Variants in RMI1 observed in about 807,000 individuals in gnomAD.
RMI1 encodes RecQ mediated genome instability 1.
Under a neutral mutation model 46.7 loss-of-function variants are expected in RMI1, and 36 were observed. The observed-to-expected ratio is 0.77, with a 90% confidence interval of 0.59 to 1.02. The LOEUF (loss-of-function observed/expected upper bound fraction) is 1.02. Ranked by LOEUF, RMI1 falls within the 50% of genes least tolerant of loss-of-function variation. The pLI is 0.00. For synonymous variants in RMI1, 250 were observed against 252.9 expected (o/e 0.99, Z 0.11); for missense variants, 676 against 713.7 (o/e 0.95, Z 0.60).
intron 1 of RMI1, among the ~76,000 whole-genome samples, chr9:83,994,379 A>G (rs1041945654): frequency 2.0e-5 from 3 of 152,154 alleles, no homozygotes; most frequent in African/African-American, 2.4e-5. Flanking sequence ...GCCCATTTCA[A>G]TGTCATGAAG....
rs200040967 is a variant in RMI1, at chr9:84,001,296, C to G, written c.310C>G (p.Gln104Glu). Residue 104 changes from glutamine (Q) to glutamate (E), a missense_variant, in exon 3 of 3, where the codon CAG becomes GAG. Coordinates refer to ENST00000445877, the MANE Select transcript of RMI1 (RefSeq NM_001358291.2). ...AAGTCAGCCTGCATACTCCCAGATA[C>G]AGAAGTTGAGAGGAAAGAATACAAC... Reference protein sequence around the residue: ...DVSQPAYSQIQKLRGKNTTND... With the variant: ...DVSQPAYSQIEKLRGKNTTND... 3 of 1,613,992 alleles carry G rather than the reference C, an allele frequency of 1.9e-6. No individual in the cohort carries two copies. Among genetic ancestry groups the G allele is most frequent in the Non-Finnish European group, 2.5e-6 (3 of 1,179,994 alleles).
At chr9:83,989,939 C>G (rs1031333258) in intron 1 of RMI1, among the ~76,000 whole-genome samples, 3 of 152,152 alleles carry the variant, frequency 2.0e-5, no homozygotes, top group Non-Finnish European at 2.9e-5. Flanking sequence ...TACGGAAAAA[C>G]CTGAATCCAT....
chr9:83,995,959 T>C (rs1030604639), intron 1 of RMI1, among the ~76,000 whole-genome samples: 1 of 152,166 alleles, frequency 6.6e-6, no homozygotes, highest in Admixed American at 6.5e-5. Flanking sequence ...TTTAGTATGC[T>C]CAAAGAGATA....
At chr9:83,996,575 C>T (rs1226436179) in intron 1 of RMI1, among the ~76,000 whole-genome samples, 1 of 152,088 alleles carries the variant, frequency 6.6e-6, no homozygotes, top group Admixed American at 6.6e-5. Flanking sequence ...TCTTGTATAT[C>T]CATCTAGAGG....
At chr9:83,989,667 C>CAAAAAAAAAAAAAA in intron 1 of RMI1, among the ~76,000 whole-genome samples, 1 of 141,988 alleles carries the variant, frequency 7.0e-6, no homozygotes, top group Non-Finnish European at 1.5e-5. Flanking sequence ...ATCAAAAAGA[C>CAAAAAAAAAAAAAA]AAAAAAAAAA....
Position 84,003,051 on chromosome 9 carries a change from T to A in RMI1, c.*187T>A. 1 of 433,078 alleles carries A rather than the reference T, an allele frequency of 2.3e-6. No homozygotes were observed. The allele number at this position is 433,078 out of a possible 1,614,324, so 26.8% of individuals were successfully genotyped here. A position where few individuals can be genotyped will look rare whatever the true frequency, so the allele number is the denominator to read the frequency against. ...GCTTTTGAAAATAAGTTAATCTTTT[T>A]TTTTTTTTTTTTAATGTCAGGGTAT... On this transcript the variant is annotated 3_prime_UTR_variant, in exon 3 of 3. Transcript: ENST00000445877.
chr9:83,997,041 C>T lies in RMI1; in HGVS notation c.-125-2668C>T, dbSNP rs1024653260. ...GGTTTTAAAGATAGAGGTGGATTCC[C>T]CCCCCCTTTTTTTTTTGGCAGGGCT... On this transcript the variant is annotated intron_variant, in intron 1 of 2. Coordinates refer to ENST00000445877, the MANE Select transcript of RMI1 (RefSeq NM_001358291.2). 3.3e-5 allele frequency among the ~76,000 whole-genome samples: 5 copies of T among 149,868 alleles called. No homozygotes were observed. In the East Asian group the frequency reaches 9.8e-4, roughly 29 times the overall value.
At position 84,003,880 on chromosome 9, in the gene RMI1, C is replaced by G. The variant is rs538190186; in HGVS notation, c.*1016C>G. Reference sequence around the variant, plus strand: ...TGTCATTGTTCCCTTTCTGAATTAGCTGTACATATAAGCCTTCCTTTGGTT... The same window carrying G: ...TGTCATTGTTCCCTTTCTGAATTAGGTGTACATATAAGCCTTCCTTTGGTT... On this transcript the variant is annotated 3_prime_UTR_variant, in exon 3 of 3. Coordinates refer to ENST00000445877, the MANE Select transcript of RMI1 (RefSeq NM_001358291.2). 1 of 166,924 alleles carries G rather than the reference C, an allele frequency of 6.0e-6. No homozygotes were observed. Among genetic ancestry groups the G allele is most frequent in the East Asian group, 1.9e-4 (1 of 5,190 alleles). The allele number at this position is 166,924 out of a possible 1,614,324, so 10.3% of individuals were successfully genotyped here. A position where few individuals can be genotyped will look rare whatever the true frequency, so the allele number is the denominator to read the frequency against.
At chr9:83,997,147 T>A (rs1441498171) in intron 1 of RMI1, among the ~76,000 whole-genome samples, 1 of 144,724 alleles carries the variant, frequency 6.9e-6, no homozygotes, top group Non-Finnish European at 1.5e-5. Context: ...GTTTCGCTCT[T>A]GTTGCCCAGG....
chr9:83,999,677 T>C (rs990556009), intron 1 of RMI1, 32 bp from the exon 2 acceptor site: 25 of 152,232 alleles, frequency 1.6e-4, no homozygotes, highest in African/African-American at 5.8e-4. Context: ...CTTCATCTTA[T>C]AACTCTTACT....
chr9:83,996,164 C>A (rs188925513), intron 1 of RMI1, among the ~76,000 whole-genome samples: 1 of 152,204 alleles, frequency 6.6e-6, no homozygotes, highest in Non-Finnish European at 1.5e-5. Context: ...GTCCCTCTGG[C>A]TGACATAGCT....
chr9:84,002,325 G>T lies in RMI1; in HGVS notation c.1339G>T (p.Val447Leu). 4 of 1,600,108 alleles carry T rather than the reference G, an allele frequency of 2.5e-6. No homozygotes were observed. Among genetic ancestry groups the T allele is most frequent in the Non-Finnish European group, 3.4e-6 (4 of 1,169,068 alleles). The change falls in exon 3 of 3, where the codon GTG becomes TTG. Residue 447 changes from valine (V) to leucine (L), a missense_variant. By Grantham distance (32) the Val-to-Leu change is conservative (BLOSUM62 1). Coordinates refer to ENST00000445877, the MANE Select transcript of RMI1 (RefSeq NM_001358291.2). Reference sequence around the variant, plus strand: ...AAATAATAAAATATTAAATAGAGAGGTGGTCAACTATGTACAGAAAAGGAA... The same window carrying T: ...AAATAATAAAATATTAAATAGAGAGTTGGTCAACTATGTACAGAAAAGGAA... ...SLNNKILNRE[V>L]VNYVQKRNSQ...
intron 1 of RMI1, among the ~76,000 whole-genome samples, chr9:83,997,526 G>A (rs1957675705): frequency 6.6e-6 from 1 of 152,090 alleles, no homozygotes; most frequent in Admixed American, 6.5e-5. Context: ...GCGGGTCAGA[G>A]AGGAGTGAGG....
intron 1 of RMI1, among the ~76,000 whole-genome samples, chr9:83,995,651 C>T (rs1280927095): frequency 6.7e-6 from 1 of 149,834 alleles, no homozygotes; most frequent in African/African-American, 2.4e-5. Context: ...TGTTCTTGAA[C>T]TCCTGACCTC....
chr9:83,993,549 A>G (rs1404775174), intron 1 of RMI1, among the ~76,000 whole-genome samples: 3 of 152,062 alleles, frequency 2.0e-5, no homozygotes, highest in Non-Finnish European at 4.4e-5. Flanking sequence ...TTTTTTGAGG[A>G]CGCTCTATAC....
At chr9:83,983,410 G>A (rs1002212537) in intron 1 of RMI1, among the ~76,000 whole-genome samples, 4 of 151,930 alleles carry the variant, frequency 2.6e-5, no homozygotes, top group African/African-American at 7.3e-5. Flanking sequence ...CCTAATTTTC[G>A]GAGTATCTTC....
chr9:83,987,458 C>T (rs1169450093), intron 1 of RMI1, among the ~76,000 whole-genome samples: 4 of 152,178 alleles, frequency 2.6e-5, no homozygotes, highest in Non-Finnish European at 5.9e-5. Context: ...TTAGTTGTTA[C>T]ATTTCTATTC....
intron 1 of RMI1, chr9:83,992,849 G>A (rs570157920): frequency 6.6e-6 from 1 of 152,010 alleles, no homozygotes; most frequent in Non-Finnish European, 1.5e-5. Flanking sequence ...GCAAATAGGG[G>A]TACTTTTATT....
rs768825015 is a variant in RMI1 at position 84,002,895 on chromosome 9, AAAC to A, written c.*37_*39del. 9.3e-5 allele frequency: 116 copies of A among 1,251,126 alleles called. No individual in the cohort carries two copies. Among genetic ancestry groups the A allele is most frequent in the South Asian group, 5.3e-4 (32 of 60,946 alleles). 77.5% of individuals were successfully genotyped at this position (1,251,126 alleles called of 1,614,324 possible). A position where few individuals can be genotyped will look rare whatever the true frequency, so the allele number is the denominator to read the frequency against. Reference sequence around the variant, plus strand: ...CTAAAATAGTATTAGGAACAATTAAAAACAACAAGGAAATATTTAGAATTTGTT... The same window carrying A: ...CTAAAATAGTATTAGGAACAATTAAAAACAAGGAAATATTTAGAATTTGTT... On this transcript the variant is annotated 3_prime_UTR_variant, in exon 3 of 3. Coordinates refer to ENST00000445877, the MANE Select transcript of RMI1 (RefSeq NM_001358291.2).
Sources: allele counts gnomAD v4.1 joint callset (sites outside exome capture counted in the v4.1 genomes callset), GRCh38; gene constraint gnomAD v4.1.1; transcripts MANE v1.5; gene names NCBI Gene and HGNC (gene_info 2026-07-23, HGNC 2026-07-21).